The following LRFN5 variants were observed in gnomAD, a reference collection of about 807,000 sequenced individuals.
LRFN5 encodes leucine-rich repeat and fibronectin type-III domain-containing protein 5.
LRFN5 carries 24 observed loss-of-function variants against 45.6 expected under a neutral mutation model. The ratio of observed to expected loss-of-function variants is 0.53; its 90% confidence interval spans 0.38 to 0.74. LRFN5 has a LOEUF of 0.74. LRFN5 is among the 30% of genes least tolerant of loss of function. The pLI, the probability that LRFN5 is intolerant of heterozygous loss-of-function variation, is 0.00. For missense variants in LRFN5, 776 were observed against 861.5 expected, an observed-to-expected ratio of 0.90 and a Z score of 1.24; for synonymous variants, 340 against 313.8, an observed-to-expected ratio of 1.08 and a Z score of -0.88.
intron 1 of LRFN5, among the ~76,000 whole-genome samples, chr14:41,746,951 T>G (rs1158676135): frequency 6.6e-6 from 1 of 151,872 alleles, no homozygotes; most frequent in Non-Finnish European, 1.5e-5. Flanking sequence ...ATGATTCCAT[T>G]TACAATACCA....
At chr14:41,802,612 G>A (rs1192972316) in intron 2 of LRFN5, among the ~76,000 whole-genome samples, 1 of 152,084 alleles carries the variant, frequency 6.6e-6, no homozygotes, top group East Asian at 1.9e-4. Context: ...TAATAGGCTA[G>A]GATAAAATTT....
chr14:41,715,211 A>C (rs912170414), intron 1 of LRFN5, among the ~76,000 whole-genome samples: 2 of 152,240 alleles, frequency 1.3e-5, no homozygotes, highest in African/African-American at 4.8e-5. Flanking sequence ...CTGCATTACC[A>C]TTTTGAAATG....
intron 1 of LRFN5, among the ~76,000 whole-genome samples, chr14:41,695,491 G>A (rs1320522961): frequency 3.3e-5 from 5 of 151,908 alleles, no homozygotes; most frequent in African/African-American, 1.2e-4. Context: ...CTGGCCTTCA[G>A]TTTTTCAAAG....
chr14:41,616,894 T>C (rs1319383410), intron 1 of LRFN5, among the ~76,000 whole-genome samples: 3 of 152,144 alleles, frequency 2.0e-5, no homozygotes, highest in East Asian at 3.9e-4. Context: ...TAAGGCAGTT[T>C]ATAAATTTGC....
At chr14:41,894,156 T>C (rs541141970) in intron 4 of LRFN5, 73 of 984,620 alleles carry the variant, frequency 7.4e-5, no homozygotes, top group Non-Finnish European at 8.7e-5. Flanking sequence ...TCAAAGACTT[T>C]CTGGGATTAT....
chr14:41,646,185 C>A (rs572952518), intron 1 of LRFN5, among the ~76,000 whole-genome samples: 1 of 152,198 alleles, frequency 6.6e-6, no homozygotes, highest in Non-Finnish European at 1.5e-5. Flanking sequence ...TCCTATAGTT[C>A]TATGGAACAC....
chr14:41,828,722 C>T (rs1176655134), intron 2 of LRFN5, among the ~76,000 whole-genome samples: 1 of 151,964 alleles, frequency 6.6e-6, no homozygotes, highest in Non-Finnish European at 1.5e-5. Flanking sequence ...CTATTGTCAA[C>T]ACTGTGATAG....
At chr14:41,790,166 A>G (rs1886868099) in intron 2 of LRFN5, among the ~76,000 whole-genome samples, 1 of 151,972 alleles carries the variant, frequency 6.6e-6, no homozygotes, top group African/African-American at 2.4e-5. Context: ...ACTAGTTTCG[A>G]GAGACACTTT....
chr14:41,813,090 A>G (rs1887791254), intron 2 of LRFN5, among the ~76,000 whole-genome samples: 1 of 152,108 alleles, frequency 6.6e-6, no homozygotes, highest in Non-Finnish European at 1.5e-5. Flanking sequence ...TTATGCAGAG[A>G]TAATTTGAAG....
At chr14:41,640,834 T>A (rs1230699527) in intron 1 of LRFN5, among the ~76,000 whole-genome samples, 2 of 152,128 alleles carry the variant, frequency 1.3e-5, no homozygotes, top group African/African-American at 4.8e-5. Context: ...TTCACGCTTC[T>A]GTCTTGCATG....
rs1890883609 is a variant in LRFN5 at position 41,894,676 on chromosome 14, T to C, written c.2098+2714T>C. The C allele has an allele frequency of 1.2e-5, 12 of 985,274 alleles. No individual in the cohort carries two copies. In the South Asian group the frequency reaches 3.8e-4, roughly 31 times the overall value. The allele number at this position is 985,274 out of a possible 1,614,324, so 61.0% of individuals were successfully genotyped here. A position where few individuals can be genotyped will look rare whatever the true frequency, so the allele number is the denominator to read the frequency against. On this transcript the variant is annotated intron_variant, in intron 4 of 5. Coordinates refer to ENST00000298119, the MANE Select transcript of LRFN5 (RefSeq NM_152447.5). ...AAGTCTACAGAAAAGGTGGGAATGATATTACCTATCATGATGTCTGAAACA... is the reference window on the plus strand; with the variant it reads ...AAGTCTACAGAAAAGGTGGGAATGACATTACCTATCATGATGTCTGAAACA...
chr14:41,661,694 C>T (rs12587520), intron 1 of LRFN5, among the ~76,000 whole-genome samples: 5,715 of 151,892 alleles, frequency 0.038, 340 homozygotes, highest in East Asian at 0.27. Context: ...GAGAGAGGAG[C>T]CTCCAGTAGT....
chr14:41,762,154 A>C (rs1346350405), intron 1 of LRFN5, among the ~76,000 whole-genome samples: 1 of 150,238 alleles, frequency 6.7e-6, no homozygotes, highest in African/African-American at 2.4e-5. Flanking sequence ...AAAAAAAAAA[A>C]CCTTCACCTA....
At chr14:41,616,108 A>C (rs1887918182) in intron 1 of LRFN5, among the ~76,000 whole-genome samples, 1 of 152,246 alleles carries the variant, frequency 6.6e-6, no homozygotes, top group South Asian at 2.1e-4. Context: ...ATCTTTCCCA[A>C]TAAATAGAGA....
At chr14:41,726,178 C>G (rs1883923949) in intron 1 of LRFN5, among the ~76,000 whole-genome samples, 1 of 152,074 alleles carries the variant, frequency 6.6e-6, no homozygotes, top group African/African-American at 2.4e-5. Flanking sequence ...AAGTATGATA[C>G]ATAGTCTTTG....
intron 2 of LRFN5, among the ~76,000 whole-genome samples, chr14:41,857,875 G>C (rs1889526283): frequency 6.6e-6 from 1 of 152,120 alleles, no homozygotes; most frequent in Non-Finnish European, 1.5e-5. Context: ...AATAAGAGGA[G>C]AAGAGAAAAG....
chr14:41,848,608 A>C lies in LRFN5; in HGVS notation c.-20-37998A>C, dbSNP rs148545089. ...CCAACCTCCAACTGTTGGTCATGGG[A>C]TCAGGACAAGAAACACTATGAATTG... On this transcript the variant is annotated intron_variant, in intron 2 of 5. Transcript: ENST00000298119. Among the ~76,000 whole-genome samples, 97 of 152,104 alleles carry C rather than the reference A, an allele frequency of 6.4e-4. 1 individual carries two copies. The highest frequency in any genetic ancestry group is 6.3e-3 in the Admixed American group (96 of 15,250).
At chr14:41,636,089 A>G (rs941050528) in intron 1 of LRFN5, among the ~76,000 whole-genome samples, 1 of 152,160 alleles carries the variant, frequency 6.6e-6, no homozygotes, top group Admixed American at 6.5e-5. Flanking sequence ...TTTTGATGAC[A>G]TTTGGGAGCC....
chr14:41,846,235 A>G (rs201871041), intron 2 of LRFN5, among the ~76,000 whole-genome samples: 2 of 148,878 alleles, frequency 1.3e-5, no homozygotes, highest in Non-Finnish European at 3.0e-5. Context: ...ACACACACGC[A>G]CACACACACT....
Sources: gnomAD v4.1 joint callset for allele counts (sites outside exome capture counted in the v4.1 genomes callset) on GRCh38, gnomAD v4.1.1 for gene constraint, MANE v1.5 for transcripts, NCBI Gene and HGNC (gene_info 2026-07-23, HGNC 2026-07-21) for gene names.